The following ATCAY variants were observed in gnomAD, a reference collection of about 807,000 sequenced individuals.
ATCAY encodes ATCAY kinesin light chain interacting caytaxin, also known as caytaxin.
In ATCAY, 22 loss-of-function variants were observed where a neutral mutation model predicts 47.7. The ratio of observed to expected loss-of-function variants is 0.46; its 90% CI spans 0.33 to 0.66. The LOEUF (loss-of-function observed/expected upper bound fraction) is 0.66, where lower values mean the gene tolerates loss of function less well. ATCAY is among the 30% of genes least tolerant of loss of function. The pLI, the probability that ATCAY is intolerant of heterozygous loss-of-function variation, is 0.02. For missense variants in ATCAY, 452 were observed against 515.0 expected, an observed-to-expected ratio of 0.88 and a Z score of 1.18; for synonymous variants, 216 against 207.6, an observed-to-expected ratio of 1.04 and a Z score of -0.35.
chr19:3,902,705 C>T (rs2038825744), intron 3 of ATCAY, among the ~76,000 whole-genome samples, 160 bp downstream of exon 3: 1 of 152,154 alleles, frequency 6.6e-6, no homozygotes, highest in East Asian at 1.9e-4. Context: ...GGGTGAGAGA[C>T]ACAATGGATG....
intron 2 of ATCAY, among the ~76,000 whole-genome samples, 172 bp downstream of exon 2, chr19:3,886,016 G>A (rs978840838): frequency 3.3e-5 from 5 of 152,274 alleles, no homozygotes; most frequent in Non-Finnish European, 5.9e-5. Flanking sequence ...CCCTGTGTGC[G>A]AGTCTTCTCT....
intron 3 of ATCAY, 101 bp from the exon 4 acceptor site, chr19:3,905,333 C>A: frequency 8.1e-7 from 1 of 1,229,480 alleles, no homozygotes. Flanking sequence ...CCCTCTCTTC[C>A]CATTCCTGCA....
chr19:3,901,553 T>C (rs763123897), intron 2 of ATCAY, among the ~76,000 whole-genome samples: 1 of 152,166 alleles, frequency 6.6e-6, no homozygotes, highest in African/African-American at 2.4e-5. Context: ...TACTAACTTA[T>C]TTCAAAGTTT....
intron 11 of ATCAY, among the ~76,000 whole-genome samples, chr19:3,919,665 G>A (rs536964376): frequency 5.3e-5 from 8 of 151,980 alleles, no homozygotes; most frequent in African/African-American, 1.4e-4. Context: ...AGAAGGGTGA[G>A]GCAGGCAGAT....
At chr19:3,881,962 G>A (rs190936819) in intron 1 of ATCAY, among the ~76,000 whole-genome samples, 131 of 148,128 alleles carry the variant, frequency 8.8e-4, no homozygotes, top group Non-Finnish European at 1.4e-3. Context: ...CGACATTGAG[G>A]ACAGAGAATC....
Position 3,908,312 on chromosome 19 carries a change from T to G in ATCAY, c.589T>G (p.Cys197Gly). ...GLNAIIVFAACFLPDSSLPDY... is the reference protein window; with the variant it reads ...GLNAIIVFAAGFLPDSSLPDY... The stretch of plus-strand genomic sequence containing the variant: ...CAACGCCATCATCGTCTTCGCAGCC[T>G]GCTTCCTTCCAGACAGCAGCCTCCC... Residue 197 changes from cysteine to glycine, a missense_variant, in exon 6 of 13, where the codon TGC becomes GGC. Physicochemically the swap from Cys to Gly is radical, Grantham distance 159. Coordinates refer to ENST00000450849, the MANE Select transcript of ATCAY (RefSeq NM_033064.5). 2 of 1,593,850 alleles carry G rather than the reference T, an allele frequency of 1.3e-6. No homozygotes were observed. Among genetic ancestry groups the G allele is most frequent in the Non-Finnish European group, 1.7e-6 (2 of 1,170,142 alleles).
At chr19:3,901,347 GTTA>G (rs2038814745) in intron 2 of ATCAY, among the ~76,000 whole-genome samples, 1 of 152,042 alleles carries the variant, frequency 6.6e-6, no homozygotes, top group South Asian at 2.1e-4. Context: ...TACATCTTGG[GTTA>G]TAATTCAATA....
chr19:3,882,182 T>TA (rs549176026), intron 1 of ATCAY, among the ~76,000 whole-genome samples: 3 of 152,108 alleles, frequency 2.0e-5, no homozygotes, highest in Admixed American at 6.6e-5. Context: ...TTGGGGGCCT[T>TA]AGATGCTTCA....
chr19:3,917,393 G>A (rs2038974797), intron 9 of ATCAY, among the ~76,000 whole-genome samples: 1 of 151,790 alleles, frequency 6.6e-6, no homozygotes, highest in Admixed American at 6.6e-5. Flanking sequence ...GACCAGCCAG[G>A]CCAACATAGG....
chr19:3,885,109 T>TTTTAA (rs1555765610), intron 1 of ATCAY, among the ~76,000 whole-genome samples: 1 of 70,326 alleles, frequency 1.4e-5, no homozygotes, highest in Non-Finnish European at 2.6e-5. Context: ...TTTTTTTTTT[T>TTTTAA]AAAAAAAAAA....
intron 10 of ATCAY, 31 bp downstream of exon 10, chr19:3,917,808 G>C: frequency 1.2e-6 from 2 of 1,604,924 alleles, no homozygotes; most frequent in African/African-American, 1.3e-5. Context: ...GCTGGGGCTG[G>C]GTCGGGGCAG....
At chr19:3,913,956 G>GC (rs2038944196) in intron 9 of ATCAY, 100 bp downstream of exon 9, 1 of 1,070,556 alleles carries the variant, frequency 9.3e-7, no homozygotes, top group Non-Finnish European at 1.4e-6. Flanking sequence ...GGTTTAAGGG[G>GC]CCGGGCGCGG....
At chr19:3,904,768 G>A (rs1459452473) in intron 3 of ATCAY, among the ~76,000 whole-genome samples, 1 of 152,154 alleles carries the variant, frequency 6.6e-6, no homozygotes, top group African/African-American at 2.4e-5. Context: ...CATGAGTGGA[G>A]ACAGGAGGGT....
chr19:3,894,792 T>A (rs1391935854), intron 2 of ATCAY, among the ~76,000 whole-genome samples: 1 of 151,324 alleles, frequency 6.6e-6, no homozygotes, highest in African/African-American at 2.4e-5. Flanking sequence ...CTACAAAAAA[T>A]TTTATAATTA....
chr19:3,924,269 A>ATGGG (rs1158005359), intron 12 of ATCAY, among the ~76,000 whole-genome samples: 6 of 146,024 alleles, frequency 4.1e-5, no homozygotes, highest in South Asian at 4.3e-4. Context: ...GGATGGATGG[A>ATGGG]TGGGTGGATG....
In ATCAY at chr19:3,920,890, A is replaced by G. The variant is rs73530344; in HGVS notation, c.1106+92A>G. On this transcript the variant is annotated intron_variant, in intron 12 of 12. Coordinates refer to ENST00000450849, the MANE Select transcript of ATCAY (RefSeq NM_033064.5). ...GGGTTCTCTAGAAGGACAGAAAATC[A>G]AACCAGCTGCCAGCAAATATAAAGC... The G allele has an allele frequency of 9.2e-4, 1,343 of 1,466,564 alleles. 17 individuals carry two copies. The African/African-American group carries it at 0.017, about 18-fold the overall frequency. 90.8% of individuals were successfully genotyped at this position (1,466,564 alleles called of 1,614,324 possible). A position where few individuals can be genotyped will look rare whatever the true frequency, so the allele number is the denominator to read the frequency against.
intron 2 of ATCAY, among the ~76,000 whole-genome samples, chr19:3,889,527 A>C (rs988756317): frequency 3.1e-4 from 47 of 152,280 alleles, no homozygotes; most frequent in African/African-American, 1.0e-3. Flanking sequence ...GACTTGGGAC[A>C]TCGCAGCAGT....
intron 4 of ATCAY, among the ~76,000 whole-genome samples, chr19:3,906,184 AAGAGAG>A (rs531580915): frequency 6.7e-6 from 1 of 148,430 alleles, no homozygotes; most frequent in African/African-American, 2.5e-5. Context: ...AAAAAAAAAA[AAGAGAG>A]AGAGAGGTTG....
At chr19:3,906,728 A>G (rs1023399728) in intron 4 of ATCAY, among the ~76,000 whole-genome samples, 1 of 152,164 alleles carries the variant, frequency 6.6e-6, no homozygotes, top group African/African-American at 2.4e-5. Context: ...TGCAACAAAT[A>G]CTTTTTGACC....
Sources: gnomAD v4.1 joint callset for allele counts (sites outside exome capture counted in the v4.1 genomes callset) on GRCh38, gnomAD v4.1.1 for gene constraint, MANE v1.5 for transcripts, NCBI Gene and HGNC (gene_info 2026-07-23, HGNC 2026-07-21) for gene names.